The following SLC14A2 variants were observed in gnomAD, a reference collection of about 807,000 sequenced individuals.
The protein encoded by SLC14A2 is urea transporter 2.
SLC14A2 carries 91 observed loss-of-function variants against 104.6 expected under a neutral mutation model. The observed-to-expected ratio is 0.87, with a 90% confidence interval of 0.73 to 1.04. The LOEUF is 1.04. Among genes scored for constraint, SLC14A2 ranks in the 50% least tolerant of loss-of-function variants. The probability of loss-of-function intolerance (pLI) is 0.00; values close to 1 mark genes in which losing one functional copy is unlikely to be tolerated. For missense variants in SLC14A2, 1,189 were observed against 1,156.0 expected (o/e 1.03, Z -0.41); for synonymous variants, 476 against 466.4 (o/e 1.02, Z -0.27).
chr18:45,667,364 A>C (rs1420409914), intron 13 of SLC14A2, among the ~76,000 whole-genome samples: 2 of 152,144 alleles, frequency 1.3e-5, no homozygotes, highest in South Asian at 2.1e-4. Context: ...ATCCCATCTG[A>C]ATATTGCAGA....
At chr18:45,524,969 G>A (rs2144817394) in intron 2 of SLC14A2, among the ~76,000 whole-genome samples, 1 of 152,294 alleles carries the variant, frequency 6.6e-6, no homozygotes, top group Non-Finnish European at 1.5e-5. Flanking sequence ...AAGATGAAAT[G>A]TTGAAGTCAA....
At chr18:45,285,674 C>A (rs965704211) in intron 1 of SLC14A2, among the ~76,000 whole-genome samples, 1 of 119,616 alleles carries the variant, frequency 8.4e-6, no homozygotes. Flanking sequence ...CCCCCCCCCC[C>A]TCGGCCTCCC....
intron 1 of SLC14A2, among the ~76,000 whole-genome samples, chr18:45,275,987 G>C (rs2084698426): frequency 6.6e-6 from 1 of 152,236 alleles, no homozygotes; most frequent in Non-Finnish European, 1.5e-5. Flanking sequence ...TGCGAAGATG[G>C]CATTTGAGCA....
At chr18:45,389,389 G>A (rs1209816102) in intron 1 of SLC14A2, among the ~76,000 whole-genome samples, 1 of 152,086 alleles carries the variant, frequency 6.6e-6, no homozygotes, top group Non-Finnish European at 1.5e-5. Context: ...CAAAAGTAAT[G>A]GTCAATCCAG....
Position 45,655,334 on chromosome 18 carries a change from C to G in SLC14A2, c.1352-8451C>G, listed in dbSNP as rs115257403. Reference sequence around the variant, plus strand: ...AAAACCAGCACCAAACGATATAAGCCTTGGTGAACTTGGTGAGGGAAAGCC... The same window carrying G: ...AAAACCAGCACCAAACGATATAAGCGTTGGTGAACTTGGTGAGGGAAAGCC... On this transcript the variant is annotated intron_variant, in intron 10 of 19. Coordinates refer to ENST00000255226, the MANE Select transcript of SLC14A2 (RefSeq NM_007163.4). Among the ~76,000 whole-genome samples, 373 of 152,298 alleles carry G rather than the reference C, an allele frequency of 2.4e-3. 3 individuals are homozygous for G. Among genetic ancestry groups the G allele is most frequent in the African/African-American group, 8.7e-3 (362 of 41,570 alleles).
intron 1 of SLC14A2, among the ~76,000 whole-genome samples, chr18:45,223,000 G>A (rs1228889806): frequency 6.6e-6 from 1 of 152,182 alleles, no homozygotes; most frequent in Admixed American, 6.5e-5. Flanking sequence ...GAGGGTGTGA[G>A]GGCTGCCATC....
intron 2 of SLC14A2, among the ~76,000 whole-genome samples, chr18:45,553,394 C>T (rs746162839): frequency 1.3e-5 from 2 of 152,174 alleles, no homozygotes; most frequent in Admixed American, 1.3e-4. Flanking sequence ...TTCCTCCAAC[C>T]TCTCTGCTAG....
intron 1 of SLC14A2, among the ~76,000 whole-genome samples, chr18:45,342,230 A>C (rs1488608983): frequency 1.6e-4 from 25 of 152,206 alleles, no homozygotes; most frequent in Non-Finnish European, 1.5e-5. Context: ...AACTAAAATA[A>C]TAATAATAAA....
the SLC14A2 span, among the ~76,000 whole-genome samples, chr18:45,180,163 A>G: frequency 6.6e-6 from 1 of 151,906 alleles, no homozygotes; most frequent in South Asian, 2.1e-4. Flanking sequence ...AGAGAAAAAA[A>G]CAAACAAACA....
chr18:45,540,467 G>A (rs2043868749), intron 2 of SLC14A2, among the ~76,000 whole-genome samples: 1 of 152,146 alleles, frequency 6.6e-6, no homozygotes, highest in South Asian at 2.1e-4. Flanking sequence ...AGTGGGCCGG[G>A]TGCGGTGGCT....
At position 45,216,772 on chromosome 18, in the gene SLC14A2, G is replaced by A. The variant is rs116094705; in HGVS notation, c.-125+3581G>A. Among the ~76,000 whole-genome samples, 1,222 of 152,282 alleles carry A rather than the reference G, an allele frequency of 8.0e-3. 24 individuals carry two copies. Among genetic ancestry groups the A allele is most frequent in the African/African-American group, 0.028 (1,162 of 41,540 alleles). On this transcript the variant is annotated intron_variant, in intron 1 of 20. Coordinates refer to the SLC14A2 transcript ENST00000586448. ...AAGAACTCATTTTGTCTAGTCCGAT[G>A]TTTCGGTCAACTTATTTCCCACCTT...
rs1330468243 is a variant in SLC14A2 at position 45,624,711 on chromosome 18, G to C, written c.47G>C (p.Ser16Thr). Residue 16 changes from serine (S) to threonine (T), a missense_variant, in exon 2 of 20, where the codon AGC becomes ACC. By Grantham distance (58) the Ser-to-Thr change is moderately conservative. Coordinates refer to ENST00000255226, the MANE Select transcript of SLC14A2 (RefSeq NM_007163.4). ...CCTCTCCTGCCAGAGCCACTTTCCA[G>C]CAGATACAAACTCTACGAGGCAGAG... ...SSPLLPEPLS[S>T]RYKLYEAEFT... is the part of the protein sequence containing the mutation. 6.2e-7 allele frequency: 1 copy of C among 1,613,256 alleles called. No individual in the cohort carries two copies. The highest frequency in any genetic ancestry group is 8.5e-7 in the Non-Finnish European group (1 of 1,179,648).
intron 1 of SLC14A2, chr18:45,447,473 T>G (rs1465973334): frequency 6.6e-6 from 1 of 152,244 alleles, no homozygotes; most frequent in Non-Finnish European, 1.5e-5. Flanking sequence ...CATATCTTAC[T>G]GAGATCACTT....
At chr18:45,350,504 C>T (rs1046629924) in intron 1 of SLC14A2, among the ~76,000 whole-genome samples, 8 of 152,154 alleles carry the variant, frequency 5.3e-5, no homozygotes, top group African/African-American at 1.7e-4. Context: ...AATTAGGAGG[C>T]TCAGTTTAAT....
intron 16 of SLC14A2, among the ~76,000 whole-genome samples, chr18:45,671,754 G>A (rs1056141403): frequency 1.6e-4 from 24 of 152,156 alleles, no homozygotes; most frequent in Non-Finnish European, 1.9e-4. Flanking sequence ...CCCCGGCCAC[G>A]CGCAGAGGGA....
At chr18:45,370,642 C>T (rs1055282151) in intron 1 of SLC14A2, among the ~76,000 whole-genome samples, 1 of 151,952 alleles carries the variant, frequency 6.6e-6, no homozygotes, top group Admixed American at 6.6e-5. Context: ...AGGAGCAGGG[C>T]GCCCAGAAAG....
At chr18:45,561,188 G>T (rs1421015828) in intron 2 of SLC14A2, among the ~76,000 whole-genome samples, 1 of 152,124 alleles carries the variant, frequency 6.6e-6, no homozygotes, top group African/African-American at 2.4e-5. Flanking sequence ...GGTTGAGTAT[G>T]TGCCATAACA....
intron 1 of SLC14A2, among the ~76,000 whole-genome samples, chr18:45,361,190 G>C (rs1348018560): frequency 1.3e-5 from 2 of 152,254 alleles, no homozygotes; most frequent in East Asian, 3.9e-4. Flanking sequence ...CTGGATTGTA[G>C]TCATCATGTG....
At chr18:45,674,018 T>C (rs1243938657) in intron 18 of SLC14A2, among the ~76,000 whole-genome samples, 2 of 152,232 alleles carry the variant, frequency 1.3e-5, no homozygotes, top group Admixed American at 1.3e-4. Flanking sequence ...GCTACTCTCC[T>C]GGCGGGGGTT....
Sources: allele counts gnomAD v4.1 joint callset (sites outside exome capture counted in the v4.1 genomes callset), GRCh38; gene constraint gnomAD v4.1.1; transcripts MANE v1.5; gene names NCBI Gene and HGNC (gene_info 2026-07-23, HGNC 2026-07-21).